Variants in BCCIP observed in about 807,000 individuals in gnomAD.
The protein encoded by BCCIP is BRCA2 and CDKN1A-interacting protein.
In BCCIP, 23 loss-of-function variants were observed where a neutral mutation model predicts 32.8. That is an observed-to-expected ratio of 0.70 (90% confidence interval 0.51 to 0.99). The LOEUF is 0.99. Among genes scored for constraint, BCCIP ranks in the 50% least tolerant of loss-of-function variants. BCCIP has a pLI of 0.00. For synonymous variants in BCCIP, 144 were observed against 137.6 expected (o/e 1.05, Z -0.33); for missense variants, 378 against 379.8 (o/e 1.00, Z 0.04).
downstream of BCCIP, among the ~76,000 whole-genome samples, chr10:125,843,804 C>T (rs542067751): frequency 2.4e-4 from 37 of 152,264 alleles, no homozygotes; most frequent in African/African-American, 8.2e-4. Context: ...CAGCCTGACG[C>T]GCCCACCACA....
downstream of BCCIP, among the ~76,000 whole-genome samples, chr10:125,840,596 G>A (rs533059645): frequency 2.0e-5 from 3 of 152,338 alleles, no homozygotes; most frequent in African/African-American, 4.8e-5. Flanking sequence ...CTGAAGGCTG[G>A]CTGAGTGGAG....
chr10:125,848,273 C>G (rs534563078), intron 7 of BCCIP, among the ~76,000 whole-genome samples: 1 of 152,164 alleles, frequency 6.6e-6, no homozygotes, highest in Non-Finnish European at 1.5e-5. Flanking sequence ...GGAAAGGCTT[C>G]TGCTTCACTT....
chr10:125,838,183 CCTTT>C (rs752481930), downstream of BCCIP: 9 of 1,544,488 alleles, frequency 5.8e-6, no homozygotes, highest in African/African-American at 1.1e-4. Context: ...AAAATACAAC[CCTTT>C]CTTCTCCATT....
At chr10:125,838,621 G>A (rs1213197552), downstream of BCCIP, among the ~76,000 whole-genome samples, 1 of 152,166 alleles carries the variant, frequency 6.6e-6, no homozygotes, top group Non-Finnish European at 1.5e-5. Flanking sequence ...TGCTAAAACA[G>A]TGCAGCTGTG....
chr10:125,841,938 G>A, exon 7 of BCCIP: 4 of 1,576,112 alleles, frequency 2.5e-6, no homozygotes, highest in Admixed American at 3.9e-5. Flanking sequence ...TCTGGTGCTA[G>A]GAAAGGAAAA....
chr10:125,852,200 A>C, intron 7 of BCCIP: 1 of 1,466,714 alleles, frequency 6.8e-7, no homozygotes, highest in Non-Finnish European at 9.2e-7. Context: ...GCTTGTGTGC[A>C]TTGCTGCGCA....
intron 1 of BCCIP, chr10:125,826,389 G>C: frequency 1.3e-6 from 1 of 754,582 alleles, no homozygotes; most frequent in Non-Finnish European, 2.0e-6. Flanking sequence ...GCCGTGTCTG[G>C]TTTATTTGAA....
chr10:125,840,864 AGAGTTGTGTCTTG>A, downstream of BCCIP: 1 of 1,594,434 alleles, frequency 6.3e-7, no homozygotes, highest in Non-Finnish European at 8.6e-7. Flanking sequence ...GCTAGAATTC[AGAGTTGTGTCTTG>A]GTAAGCCTTG....
chr10:125,831,020 G>T (rs1478081219), intron 4 of BCCIP, among the ~76,000 whole-genome samples: 1 of 152,128 alleles, frequency 6.6e-6, no homozygotes, highest in East Asian at 1.9e-4. Context: ...ATTTTGTTTC[G>T]ATTCATCTCT....
downstream of BCCIP, among the ~76,000 whole-genome samples, chr10:125,839,583 C>T (rs910968246): frequency 3.9e-5 from 6 of 152,174 alleles, no homozygotes; most frequent in Non-Finnish European, 7.3e-5. Context: ...TTTAATCAAA[C>T]TAGGCAGGAA....
chr10:125,832,568 C>G (rs912854197), intron 5 of BCCIP, among the ~76,000 whole-genome samples: 2 of 150,426 alleles, frequency 1.3e-5, no homozygotes, highest in Non-Finnish European at 3.0e-5. Context: ...TTCTTTTTTT[C>G]TGATCAGCTG....
chr10:125,837,536 T>C (rs1256743141), downstream of BCCIP, among the ~76,000 whole-genome samples: 1 of 152,172 alleles, frequency 6.6e-6, no homozygotes, highest in Non-Finnish European at 1.5e-5. Context: ...CAAGCGATCC[T>C]CTGTCGCAGA....
chr10:125,833,853 G>A lies in BCCIP; in HGVS notation c.681G>A (p.Val227=), dbSNP rs373315718. 1.5e-5 allele frequency: 25 copies of A among 1,614,076 alleles called. No individual in the cohort carries two copies. The highest frequency in any genetic ancestry group is 2.0e-5 in the Non-Finnish European group (24 of 1,180,016). The change falls in exon 6 of 7, where the codon GTG becomes GTA. Residue 227 remains valine, a synonymous_variant. Coordinates refer to ENST00000278100, the MANE Select transcript of BCCIP (RefSeq NM_078468.3). The part of the protein sequence containing the change: ...YFYLLISKTF[V]EAGKNNSKKK... ...ACCTTCTGATTAGTAAGACATTTGT[G>A]GAAGCAGGAAAAAACAATTCCAAAA... is the stretch of plus-strand genomic sequence containing the variant.
At position 125,823,557 on chromosome 10, in the gene BCCIP, C is replaced by G. The variant is rs992485395; in HGVS notation, c.-1C>G. On this transcript the variant is annotated 5_prime_UTR_variant, in exon 1 of 7. Coordinates refer to ENST00000278100, the MANE Select transcript of BCCIP (RefSeq NM_078468.3). ...TGCGCAGGCGCAGTGTGAGCGGCAA[C>G]ATGGCGTCCAGGTCTAAGCGGCGTG... 1.9e-6 allele frequency: 3 copies of G among 1,613,532 alleles called. No homozygotes were observed. Among genetic ancestry groups the G allele is most frequent in the East Asian group, 2.2e-5 (1 of 44,856 alleles).
intron 7 of BCCIP, among the ~76,000 whole-genome samples, chr10:125,851,941 A>G (rs1944095611): frequency 7.1e-6 from 1 of 140,840 alleles, no homozygotes; most frequent in African/African-American, 2.6e-5. Flanking sequence ...AAAAAAAAAA[A>G]GAAAAGAAAA....
chr10:125,834,994 G>T lies in BCCIP; in HGVS notation c.774+1048G>T, dbSNP rs1171584036. On this transcript the variant is annotated intron_variant, in intron 6 of 6. Transcript: ENST00000278100. ...AAAAAATACAAAAAATTAGCCGGGCGTGGTGGCACGTGCCTGTAGTCCCAG... is the reference window on the plus strand; with the variant it reads ...AAAAAATACAAAAAATTAGCCGGGCTTGGTGGCACGTGCCTGTAGTCCCAG... 2.7e-5 allele frequency among the ~76,000 whole-genome samples: 4 copies of T among 148,824 alleles called. No homozygotes were observed. The East Asian group carries it at 6.2e-4, about 23-fold the overall frequency.
intron 1 of BCCIP, among the ~76,000 whole-genome samples, chr10:125,825,281 C>T (rs1233172932): frequency 4.2e-5 from 5 of 118,688 alleles, no homozygotes; most frequent in Non-Finnish European, 7.7e-5. Context: ...ATCCATTTGC[C>T]GCCCATTTCC....
At chr10:125,853,582 CA>C (rs1340192759) in exon 8 of BCCIP, 3 of 211,740 alleles carry the variant, frequency 1.4e-5, no homozygotes, top group Non-Finnish European at 2.8e-5. Context: ...AAGGGGCTAT[CA>C]AAAAAATCCA....
intron 4 of BCCIP, 148 bp from the exon 5 acceptor site, chr10:125,831,272 C>A: frequency 1.5e-6 from 1 of 658,154 alleles, no homozygotes; most frequent in Non-Finnish European, 2.6e-6. Context: ...AATGCTTAAG[C>A]AGTCAACACT....
Sources: gnomAD v4.1 joint callset for allele counts (sites outside exome capture counted in the v4.1 genomes callset) on GRCh38, gnomAD v4.1.1 for gene constraint, MANE v1.5 for transcripts, NCBI Gene and HGNC (gene_info 2026-07-23, HGNC 2026-07-21) for gene names.